DDB2: variants seen among roughly 807,000 people sequenced by gnomAD.
DDB2 encodes DNA damage-binding protein 2.
A neutral mutation model predicts 50.5 loss-of-function variants in DDB2; 27 were observed. The observed-to-expected ratio is 0.53, with a 90% CI of 0.39 to 0.74. DDB2 has a LOEUF of 0.74. Ranked by LOEUF, DDB2 falls within the 30% of genes least tolerant of loss-of-function variation. DDB2 has a pLI of 0.00. For missense variants in DDB2, 424 were observed against 545.6 expected, an observed-to-expected ratio of 0.78 and a Z score of 2.22; for synonymous variants, 176 against 205.5, an observed-to-expected ratio of 0.86 and a Z score of 1.23.
At chr11:47,234,542 A>C (rs1953694973) in intron 4 of DDB2, 31 bp from the exon 5 acceptor site, 1 of 1,590,412 alleles carries the variant, frequency 6.3e-7, no homozygotes, top group Non-Finnish European at 8.6e-7. Flanking sequence ...CTCTGTCCCC[A>C]AGAATCTTAC....
intron 6 of DDB2, 107 bp downstream of exon 6, chr11:47,235,041 G>C: frequency 7.2e-7 from 1 of 1,381,868 alleles, no homozygotes; most frequent in Non-Finnish European, 1.0e-6. Flanking sequence ...ACCCCTGATA[G>C]CGTCTGCCAA....
intron 3 of DDB2, among the ~76,000 whole-genome samples, chr11:47,232,085 T>G (rs962253712): frequency 1.3e-5 from 2 of 152,192 alleles, no homozygotes; most frequent in African/African-American, 4.8e-5. Context: ...GGCTCACGCC[T>G]GTAATCCCAG....
At chr11:47,227,476 C>T (rs1460541733) in intron 3 of DDB2, among the ~76,000 whole-genome samples, 1 of 150,934 alleles carries the variant, frequency 6.6e-6, no homozygotes, top group Non-Finnish European at 1.5e-5. Flanking sequence ...TGCCTTTTCA[C>T]TTTGTCGATT....
intron 1 of DDB2, 187 bp from the exon 2 acceptor site, chr11:47,216,149 G>A: frequency 7.0e-6 from 6 of 858,860 alleles, no homozygotes; most frequent in Non-Finnish European, 9.8e-6. Context: ...TTTTGGGGAA[G>A]GGGCCAAATC....
chr11:47,237,644 C>T (rs1161148416), intron 7 of DDB2, 193 bp from the exon 8 acceptor site: 2 of 594,896 alleles, frequency 3.4e-6, no homozygotes, highest in Non-Finnish European at 6.1e-6. Flanking sequence ...ACCATGTTAG[C>T]CAGGATGGTC....
intron 3 of DDB2, among the ~76,000 whole-genome samples, chr11:47,228,660 A>G (rs920480145): frequency 1.3e-5 from 2 of 149,230 alleles, no homozygotes; most frequent in Non-Finnish European, 3.0e-5. Flanking sequence ...AAAAAAAAAA[A>G]GGAAGGAAAG....
At chr11:47,216,728 AG>A in intron 2 of DDB2, 129 bp from the exon 3 acceptor site, 1 of 1,055,852 alleles carries the variant, frequency 9.5e-7, no homozygotes, top group Non-Finnish European at 1.4e-6. Flanking sequence ...TTTCATGCAC[AG>A]GGCAGGCAGT....
chr11:47,229,924 G>A, intron 3 of DDB2: 2 of 338,842 alleles, frequency 5.9e-6, no homozygotes, highest in South Asian at 4.8e-5. Context: ...TTGAACTCCT[G>A]GGCTCAAGTC....
chr11:47,222,734 G>A (rs920712655), intron 3 of DDB2, among the ~76,000 whole-genome samples: 8 of 152,218 alleles, frequency 5.3e-5, no homozygotes, highest in African/African-American at 1.4e-4. Context: ...CATATAAAGC[G>A]ACTGTGAACA....
intron 3 of DDB2, among the ~76,000 whole-genome samples, chr11:47,223,500 G>C (rs894960794): frequency 1.3e-5 from 2 of 150,694 alleles, no homozygotes; most frequent in South Asian, 2.1e-4. Flanking sequence ...AATAAATAAG[G>C]CTGGGCGCGG....
intron 4 of DDB2, 166 bp downstream of exon 4, chr11:47,233,125 C>G: frequency 1.2e-6 from 1 of 830,156 alleles, no homozygotes; most frequent in East Asian, 2.5e-5. Flanking sequence ...CTTGGCTGCC[C>G]TCACTTTGGT....
chr11:47,226,361 T>C (rs1953558179), intron 3 of DDB2, among the ~76,000 whole-genome samples: 2 of 151,304 alleles, frequency 1.3e-5, no homozygotes, highest in Non-Finnish European at 2.9e-5. Flanking sequence ...CTGCAACCTC[T>C]GCCTCCTGAG....
In DDB2 at chr11:47,234,845, A is replaced by T; in HGVS notation, c.791A>T (p.Asp264Val). The change falls in exon 6 of 10, where the codon GAT becomes GTT. Residue 264 changes from aspartate to valine, a missense_variant. Physicochemically the swap from Asp to Val is radical, Grantham distance 152 (BLOSUM62 -3). Coordinates refer to ENST00000256996, the MANE Select transcript of DDB2 (RefSeq NM_000107.3). Reference protein sequence around the residue: ...CDWFLATASVDQTVKIWDLRQ... With the variant: ...CDWFLATASVVQTVKIWDLRQ... ...TGGTTCCTGGCCACAGCCTCCGTAGATCAAACAGTGAAAATTTGGGACCTG... is the reference window on the plus strand; with the variant it reads ...TGGTTCCTGGCCACAGCCTCCGTAGTTCAAACAGTGAAAATTTGGGACCTG... 6.2e-7 allele frequency: 1 copy of T among 1,614,178 alleles called. No individual in the cohort carries two copies.
intron 3 of DDB2, among the ~76,000 whole-genome samples, chr11:47,228,183 T>C (rs1953587310): frequency 6.6e-6 from 1 of 150,672 alleles, no homozygotes; most frequent in African/African-American, 2.4e-5. Flanking sequence ...TTCTGTGAAT[T>C]GCTTGAGCCC....
At chr11:47,220,167 G>A (rs1406496932) in intron 3 of DDB2, 1 of 152,288 alleles carries the variant, frequency 6.6e-6, no homozygotes, top group African/African-American at 2.4e-5. Flanking sequence ...TGGGAGACTG[G>A]AATTCAAAGT....
intron 4 of DDB2, among the ~76,000 whole-genome samples, chr11:47,233,940 A>T (rs1278982867): frequency 6.6e-6 from 1 of 152,168 alleles, no homozygotes; most frequent in East Asian, 1.9e-4. Flanking sequence ...CTGCTTGAAG[A>T]TATTCATAGG....
chr11:47,221,471 GTT>G (rs1228151771), intron 3 of DDB2, among the ~76,000 whole-genome samples: 3 of 152,058 alleles, frequency 2.0e-5, no homozygotes, highest in African/African-American at 7.2e-5. Context: ...TTAAGACAGA[GTT>G]TCACTCTATT....
chr11:47,215,421 G>A, intron 1 of DDB2, 158 bp downstream of exon 1: 1 of 1,052,734 alleles, frequency 9.5e-7, no homozygotes, highest in Non-Finnish European at 1.4e-6. Flanking sequence ...ACACCAGAGT[G>A]TTTAGGTTTC....
At chr11:47,227,149 C>T (rs1953571497) in intron 3 of DDB2, among the ~76,000 whole-genome samples, 1 of 98,770 alleles carries the variant, frequency 1.0e-5, no homozygotes, top group Non-Finnish European at 1.8e-5. Context: ...TCCTGTTGTA[C>T]AGGCTGGAGT....
Sources: allele counts gnomAD v4.1 joint callset (sites outside exome capture counted in the v4.1 genomes callset), GRCh38; gene constraint gnomAD v4.1.1; transcripts MANE v1.5; gene names NCBI Gene and HGNC (gene_info 2026-07-23, HGNC 2026-07-21).